Variants in MYO9B observed in about 807,000 individuals in gnomAD.
The protein encoded by MYO9B is unconventional myosin-IXb.
In MYO9B, 71 loss-of-function variants were observed where a neutral mutation model predicts 229.5. That is an observed-to-expected ratio of 0.31 (90% CI 0.26 to 0.38). MYO9B has a LOEUF of 0.38. MYO9B is among the 10% of genes least tolerant of loss of function. MYO9B has a pLI of 1.00. For synonymous variants in MYO9B, 1,185 were observed against 1,235.8 expected, an observed-to-expected ratio of 0.96 and a Z score of 0.86; for missense variants, 2,255 against 2,920.5, an observed-to-expected ratio of 0.77 and a Z score of 5.25.
intron 14 of MYO9B, chr19:17,177,967 T>A (rs2072809715): frequency 6.6e-6 from 1 of 152,420 alleles, no homozygotes; most frequent in African/African-American, 2.4e-5. Flanking sequence ...CAGTGCTGCG[T>A]CCAGGACACA....
chr19:17,200,125 G>A (rs2073091133), intron 24 of MYO9B, among the ~76,000 whole-genome samples, 168 bp from the exon 25 acceptor site: 1 of 152,036 alleles, frequency 6.6e-6, no homozygotes, highest in Non-Finnish European at 1.5e-5. Flanking sequence ...CACCCGCCTG[G>A]ATCTCCCAAA....
chr19:17,125,027 C>T (rs768807526), intron 2 of MYO9B, among the ~76,000 whole-genome samples: 16 of 151,414 alleles, frequency 1.1e-4, no homozygotes, highest in Admixed American at 2.6e-4. Context: ...AGGCCAGCTG[C>T]GGTGGCTCAC....
At position 17,207,147 on chromosome 19, in the gene MYO9B, C is replaced by T; in HGVS notation, c.5527C>T (p.Pro1843Ser). 6.2e-7 allele frequency: 1 copy of T among 1,609,232 alleles called. No individual in the cohort carries two copies. Among genetic ancestry groups the T allele is most frequent in the Non-Finnish European group, 8.5e-7 (1 of 1,178,674 alleles). The change falls in exon 35 of 40, where the codon CCT (proline) becomes TCT (serine). Residue 1843 changes from proline (P) to serine (S), a missense_variant. Around this residue, in one of 7 missense-constraint regions of MYO9B, gnomAD observed 416 missense variants for 605.5 expected, o/e 0.69. Coordinates refer to ENST00000682292, the MANE Select transcript of MYO9B (RefSeq NM_004145.4). ...ALLEDVNRMSPGALAIIFAPC... is the reference protein window; with the variant it reads ...ALLEDVNRMSSGALAIIFAPC... ...GCTCGAGGATGTCAACCGCATGTCA[C>T]CTGGGGCGCTGGCCATTATCTTCGC...
intron 2 of MYO9B, among the ~76,000 whole-genome samples, chr19:17,117,710 G>A (rs2057918590): frequency 6.6e-6 from 1 of 152,126 alleles, no homozygotes; most frequent in Admixed American, 6.6e-5. Flanking sequence ...GGCCGAGGCA[G>A]GCTGATCACT....
intron 14 of MYO9B, 114 bp downstream of exon 14, chr19:17,175,855 G>A: frequency 1.2e-6 from 1 of 817,222 alleles, no homozygotes; most frequent in Non-Finnish European, 1.8e-6. Context: ...CTTTTGAGAT[G>A]GAATTTCGCT....
At position 17,145,277 on chromosome 19, in the gene MYO9B, G is replaced by A. The variant is rs779414262; in HGVS notation, c.841-120G>A. ...GGTGACAGAACAAGACTGTCTCCAA[G>A]AGAAAAAATAGATAAATTGAACAAT... On this transcript the variant is annotated intron_variant, in intron 2 of 39. Transcript: ENST00000682292. The A allele has an allele frequency of 6.1e-6, 6 of 975,744 alleles. No individual in the cohort carries two copies. In the Admixed American group the frequency reaches 7.9e-5, roughly 13 times the overall value. 60.4% of individuals were successfully genotyped at this position (975,744 alleles called of 1,614,324 possible). A position where few individuals can be genotyped will look rare whatever the true frequency, so the allele number is the denominator to read the frequency against.
intron 1 of MYO9B, among the ~76,000 whole-genome samples, chr19:17,082,417 G>A (rs2057541840): frequency 1.3e-5 from 2 of 152,184 alleles, no homozygotes; most frequent in Admixed American, 1.3e-4. Flanking sequence ...TGAAGTCACA[G>A]CAGCACAGCA....
At chr19:17,194,469 C>T (rs759102859) in intron 21 of MYO9B, 87 bp from the exon 22 acceptor site, 26 of 1,470,026 alleles carry the variant, frequency 1.8e-5, no homozygotes, top group African/African-American at 5.6e-5. Context: ...GTCTGCAGCC[C>T]GCAGGCTGGG....
intron 17 of MYO9B, among the ~76,000 whole-genome samples, chr19:17,185,556 AAAAC>A (rs984179303): frequency 3.9e-4 from 59 of 150,182 alleles, no homozygotes; most frequent in South Asian, 6.2e-4. Flanking sequence ...CAAAAAAAAA[AAAAC>A]AAAACAAAAC....
chr19:17,181,009 A>C lies in MYO9B; in HGVS notation c.2302A>C (p.Ser768Arg). 3 of 1,610,710 alleles carry C rather than the reference A, an allele frequency of 1.9e-6. No individual in the cohort carries two copies. Among genetic ancestry groups the C allele is most frequent in the Non-Finnish European group, 2.5e-6 (3 of 1,178,680 alleles). ...EDPRSLLQSL[S>R]RLQKPRAFIL... ...CCCCCGTAGCCTTCTCCAGTCCCTC[A>C]GTCGGCTCCAGAAACCCCGCGCCTT... Residue 768 changes from serine (S) to arginine (R), a missense_variant, in exon 15 of 40, where the codon AGT becomes CGT. Coordinates refer to ENST00000682292, the MANE Select transcript of MYO9B (RefSeq NM_004145.4).
chr19:17,166,636 G>C (rs1217507383), intron 10 of MYO9B, among the ~76,000 whole-genome samples: 1 of 151,726 alleles, frequency 6.6e-6, no homozygotes, highest in Non-Finnish European at 1.5e-5. Flanking sequence ...TATTTTTCCT[G>C]ATCCGCTCAC....
At chr19:17,079,680 T>C (rs2057517226) in intron 1 of MYO9B, among the ~76,000 whole-genome samples, 1 of 152,172 alleles carries the variant, frequency 6.6e-6, no homozygotes, top group African/African-American at 2.4e-5. Context: ...ACTTTGCTGC[T>C]TTACCTTGAT....
rs189964613 is a variant in MYO9B, at chr19:17,210,560, T to G, written c.5797-155T>G. 1.3e-4 allele frequency: 163 copies of G among 1,244,384 alleles called. No homozygotes were observed. In the East Asian group the frequency reaches 3.9e-3, roughly 30 times the overall value. The allele number at this position is 1,244,384 out of a possible 1,614,324, so 77.1% of individuals were successfully genotyped here. ...TGCTCAGGACGACTAATCGGCCACA[T>G]GACCACCACTCTGTCCCATGGGATT... On this transcript the variant is annotated intron_variant, in intron 37 of 39. Transcript: ENST00000682292.
rs541976458 is a variant in MYO9B at position 17,107,805 on chromosome 19, C to T, written c.840+5248C>T. Among the ~76,000 whole-genome samples the T allele has an allele frequency of 8.7e-4, 133 of 152,294 alleles. 1 individual carries two copies. Among genetic ancestry groups the T allele is most frequent in the African/African-American group, 3.0e-3 (126 of 41,540 alleles). ...ATGGGATGTAGGGCCCATCCTACCC[C>T]GGCATGACCTCATCCTACCTAATTG... is the stretch of plus-strand genomic sequence containing the variant. On this transcript the variant is annotated intron_variant, in intron 2 of 39. Transcript: ENST00000682292.
intron 2 of MYO9B, among the ~76,000 whole-genome samples, chr19:17,131,730 G>A (rs548997892): frequency 5.1e-4 from 77 of 152,284 alleles, no homozygotes; most frequent in African/African-American, 1.8e-3. Flanking sequence ...CCACACCTAG[G>A]CCAGCCCTGT....
intron 2 of MYO9B, among the ~76,000 whole-genome samples, chr19:17,111,241 C>G (rs2057845326): frequency 6.6e-6 from 1 of 152,176 alleles, no homozygotes; most frequent in Admixed American, 6.5e-5. Flanking sequence ...TGTGAGGAAA[C>G]TGAGGCACAC....
chr19:17,209,284 C>T (rs1246201749), intron 35 of MYO9B, among the ~76,000 whole-genome samples: 2 of 152,230 alleles, frequency 1.3e-5, no homozygotes, highest in African/African-American at 4.8e-5. Flanking sequence ...GGACAAACTG[C>T]CCAGCAGCTT....
At chr19:17,141,573 T>TC (rs59922977) in intron 2 of MYO9B, among the ~76,000 whole-genome samples, 73,121 of 151,894 alleles carry the variant, frequency 0.48, 19,080 homozygotes, top group African/African-American at 0.69. Context: ...ATCTTCTTTT[T>TC]CCTAAACGAA....
intron 14 of MYO9B, among the ~76,000 whole-genome samples, chr19:17,178,730 C>T (rs1042624404): frequency 2.0e-5 from 3 of 151,928 alleles, no homozygotes; most frequent in African/African-American, 7.3e-5. Flanking sequence ...GGTAATTATC[C>T]CCTTAAACTA....
Sources: allele counts gnomAD v4.1 joint callset (sites outside exome capture counted in the v4.1 genomes callset), GRCh38; gene constraint gnomAD v4.1.1; regional missense constraint gnomAD v4.1.1; transcripts MANE v1.5; gene names NCBI Gene and HGNC (gene_info 2026-07-23, HGNC 2026-07-21).